FAF1: variants seen among roughly 807,000 people sequenced by gnomAD.
FAF1 encodes Fas associated factor 1, also known as FAS-associated factor 1.
A neutral mutation model predicts 92.5 loss-of-function variants in FAF1; 25 were observed. The ratio of observed to expected loss-of-function variants is 0.27; its 90% CI spans 0.20 to 0.38. The LOEUF (loss-of-function observed/expected upper bound fraction) is 0.38, where lower values mean the gene tolerates loss of function less well. FAF1 is among the 10% of genes least tolerant of loss of function. The pLI, the probability that FAF1 is intolerant of heterozygous loss-of-function variation, is 1.00. For synonymous variants in FAF1, 234 were observed against 273.2 expected, an observed-to-expected ratio of 0.86 and a Z score of 1.42; for missense variants, 636 against 793.3, an observed-to-expected ratio of 0.80 and a Z score of 2.38.
intron 1 of FAF1, among the ~76,000 whole-genome samples, chr1:50,925,562 C>T (rs906093412): frequency 2.6e-5 from 4 of 152,070 alleles, no homozygotes; most frequent in African/African-American, 9.7e-5. Context: ...TATCTCACCC[C>T]GCTCAGAATG....
intron 1 of FAF1, among the ~76,000 whole-genome samples, chr1:50,859,623 A>C (rs1644416893): frequency 6.6e-6 from 1 of 151,888 alleles, no homozygotes; most frequent in African/African-American, 2.4e-5. Flanking sequence ...ACAAATAAAA[A>C]ACATTCCATG....
At chr1:50,546,066 T>C (rs1649001431) in intron 13 of FAF1, among the ~76,000 whole-genome samples, 1 of 152,168 alleles carries the variant, frequency 6.6e-6, no homozygotes, top group African/African-American at 2.4e-5. Flanking sequence ...CTTGGGAGGC[T>C]GGGGCAGAAG....
At chr1:50,771,834 G>A (rs557771669) in intron 4 of FAF1, among the ~76,000 whole-genome samples, 208 of 152,304 alleles carry the variant, frequency 1.4e-3, no homozygotes, top group African/African-American at 4.8e-3. Context: ...CTGGGAGGCG[G>A]AGGTTGCAGT....
intron 8 of FAF1, among the ~76,000 whole-genome samples, chr1:50,621,391 C>CTTTTTTTTTT (rs36053834): frequency 4.6e-4 from 41 of 89,222 alleles, no homozygotes; most frequent in African/African-American, 5.6e-4. Flanking sequence ...TTCTTTTTTT[C>CTTTTTTTTTT]TTTTTTTTTT....
chr1:50,796,957 G>A (rs1001359185), intron 3 of FAF1, among the ~76,000 whole-genome samples: 2 of 152,030 alleles, frequency 1.3e-5, no homozygotes, highest in African/African-American at 2.4e-5. Flanking sequence ...TGGCTGGGGC[G>A]AAACTCCATC....
chr1:50,625,560 G>A (rs895040368), intron 8 of FAF1, among the ~76,000 whole-genome samples: 14 of 152,182 alleles, frequency 9.2e-5, no homozygotes, highest in Non-Finnish European at 1.6e-4. Context: ...AGGAGTGTCA[G>A]CTGAGTCTTA....
chr1:50,623,924 C>T (rs1390289459), intron 8 of FAF1, among the ~76,000 whole-genome samples: 1 of 147,818 alleles, frequency 6.8e-6, no homozygotes, highest in Non-Finnish European at 1.5e-5. Flanking sequence ...GGTGACAGAG[C>T]GAGACCCTGT....
chr1:50,742,238 TAGG>T (rs1322424471), intron 5 of FAF1, among the ~76,000 whole-genome samples: 1 of 151,844 alleles, frequency 6.6e-6, no homozygotes, highest in Non-Finnish European at 1.5e-5. Context: ...CACTTGAGTC[TAGG>T]AGGTCAAGGC....
intron 18 of FAF1, among the ~76,000 whole-genome samples, chr1:50,467,297 G>T (rs1461488246): frequency 6.6e-6 from 1 of 152,130 alleles, no homozygotes; most frequent in East Asian, 1.9e-4. Flanking sequence ...ATGTAACACT[G>T]AGCTTCATTT....
chr1:50,655,719 A>G (rs1024349790), intron 7 of FAF1, among the ~76,000 whole-genome samples, 191 bp from the exon 8 acceptor site: 1 of 152,222 alleles, frequency 6.6e-6, no homozygotes, highest in Non-Finnish European at 1.5e-5. Flanking sequence ...CAGATTCTCA[A>G]TGAAGACTAG....
At chr1:50,530,784 GAAAC>G (rs1648125475) in intron 15 of FAF1, among the ~76,000 whole-genome samples, 1 of 152,028 alleles carries the variant, frequency 6.6e-6, no homozygotes, top group African/African-American at 2.4e-5. Flanking sequence ...CCCAAAAAAT[GAAAC>G]AAACAACCAA....
At chr1:50,759,992 T>A (rs1345111108) in intron 4 of FAF1, among the ~76,000 whole-genome samples, 8 of 152,192 alleles carry the variant, frequency 5.3e-5, no homozygotes, top group Non-Finnish European at 1.2e-4. Context: ...CACTTTTTGA[T>A]GGGGTTGTTT....
intron 15 of FAF1, among the ~76,000 whole-genome samples, chr1:50,530,209 A>G (rs971871135): frequency 6.6e-6 from 1 of 150,602 alleles, no homozygotes; most frequent in Non-Finnish European, 1.5e-5. Flanking sequence ...ACTACTGACC[A>G]GTGAGTAGTT....
intron 6 of FAF1, among the ~76,000 whole-genome samples, chr1:50,719,957 T>C (rs1658338500): frequency 6.6e-6 from 1 of 152,110 alleles, no homozygotes; most frequent in Non-Finnish European, 1.5e-5. Flanking sequence ...TCATCCAGAG[T>C]GCATAACTTT....
intron 8 of FAF1, among the ~76,000 whole-genome samples, chr1:50,614,906 G>T (rs1275578173): frequency 6.6e-6 from 1 of 151,466 alleles, no homozygotes; most frequent in Non-Finnish European, 1.5e-5. Context: ...ATGTGAGCAT[G>T]ATTTATTTTT....
intron 5 of FAF1, among the ~76,000 whole-genome samples, chr1:50,741,884 A>C (rs150904469): frequency 3.9e-5 from 6 of 152,356 alleles, no homozygotes; most frequent in Non-Finnish European, 8.8e-5. Context: ...AAGATATACA[A>C]GTACAAAAGT....
chr1:50,580,359 C>T (rs1650934930), intron 12 of FAF1, among the ~76,000 whole-genome samples: 1 of 151,754 alleles, frequency 6.6e-6, no homozygotes, highest in Non-Finnish European at 1.5e-5. Flanking sequence ...ATTTCAAATG[C>T]TGCTCTTTTG....
At chr1:50,819,741 A>G (rs182383274) in intron 2 of FAF1, among the ~76,000 whole-genome samples, 363 of 16,992 alleles carry the variant, frequency 0.021, 36 homozygotes, top group African/African-American at 0.058. Flanking sequence ...ATATATATAC[A>G]TATATATATA....
At chr1:50,516,657 A>G (rs1190667931) in intron 15 of FAF1, among the ~76,000 whole-genome samples, 2 of 152,196 alleles carry the variant, frequency 1.3e-5, no homozygotes, top group African/African-American at 4.8e-5. Context: ...CAAATGCAAA[A>G]TGGCTCTCAA....
Sources: allele counts gnomAD v4.1 joint callset (sites outside exome capture counted in the v4.1 genomes callset), GRCh38; gene constraint gnomAD v4.1.1; transcripts MANE v1.5; gene names NCBI Gene and HGNC (gene_info 2026-07-23, HGNC 2026-07-21).